SRR: variants seen among roughly 807,000 people sequenced by gnomAD.
SRR encodes the protein serine racemase.
SRR carries 19 observed loss-of-function variants against 32.7 expected under a neutral mutation model. The ratio of observed to expected loss-of-function variants is 0.58; its 90% CI spans 0.40 to 0.85. The LOEUF is 0.85. SRR is among the 40% of genes least tolerant of loss of function. SRR has a pLI of 0.00. For missense variants in SRR, 373 were observed against 404.7 expected (o/e 0.92, Z 0.67); for synonymous variants, 142 against 140.9 (o/e 1.01, Z -0.06).
chr17:2,318,369 C>G (rs2075495310), intron 3 of SRR, among the ~76,000 whole-genome samples: 1 of 151,808 alleles, frequency 6.6e-6, no homozygotes, highest in African/African-American at 2.4e-5. Flanking sequence ...AGGCTGGTCT[C>G]GAACTCCTGG....
At chr17:2,312,630 C>T (rs2075441446) in intron 1 of SRR, among the ~76,000 whole-genome samples, 1 of 152,074 alleles carries the variant, frequency 6.6e-6, no homozygotes, top group Non-Finnish European at 1.5e-5. Flanking sequence ...ACTAAATTGA[C>T]ATAAAAATGA....
At chr17:2,303,554 G>A, upstream of SRR, 1 of 1,346,708 alleles carries the variant, frequency 7.4e-7, no homozygotes, top group Non-Finnish European at 9.5e-7. Context: ...GCCGAGGGCC[G>A]AGCGGGGAGG....
chr17:2,322,357 T>C (rs929401280), intron 6 of SRR: 10 of 152,304 alleles, frequency 6.6e-5, no homozygotes, highest in African/African-American at 2.4e-4. Context: ...TTTTCTCAAA[T>C]TACCAGGACA....
rs2075549034 is a variant in SRR, at chr17:2,323,247, A to G, written c.706A>G (p.Ile236Val). Residue 236 changes from isoleucine to valine, a missense_variant, in exon 7 of 8, where the codon ATA becomes GTA. By Grantham distance (29) the Ile-to-Val change is conservative (BLOSUM62 3). Transcript: ENST00000344595. ...GCCCAATCTTTATCCTCCAGAAACC[A>G]TAGCAGATGGTGTCAAATCCAGCAT... Reference protein sequence around the residue: ...LMPNLYPPETIADGVKSSIGL... With the variant: ...LMPNLYPPETVADGVKSSIGL... 6.2e-7 allele frequency: 1 copy of G among 1,614,232 alleles called. No homozygotes were observed. The highest frequency in any genetic ancestry group is 8.5e-7 in the Non-Finnish European group (1 of 1,180,048).
intron 1 of SRR, among the ~76,000 whole-genome samples, chr17:2,306,419 A>G (rs1463276459): frequency 6.6e-6 from 1 of 150,564 alleles, no homozygotes; most frequent in African/African-American, 2.4e-5. Context: ...GAATTTTTTT[A>G]AAAACAACAA....
rs529702221 is a variant in SRR at position 2,307,754 on chromosome 17, C to A, written c.-5+3737C>A. On this transcript the variant is annotated intron_variant, in intron 1 of 7. Transcript: ENST00000344595. ...AAGCTTAGCATGAGAGGAGAGCCAG[C>A]GAAGTGACAGGGAAGCTACAGGTTA... The A allele has an allele frequency of 3.3e-3, 3,015 of 906,766 alleles. 19 individuals are homozygous for A. Among genetic ancestry groups the A allele is most frequent in the Non-Finnish European group, 4.1e-3 (2,261 of 557,960 alleles). 56.2% of individuals were successfully genotyped at this position (906,766 alleles called of 1,614,324 possible).
At chr17:2,314,508 G>C (rs1022325308) in intron 1 of SRR, among the ~76,000 whole-genome samples, 2 of 151,286 alleles carry the variant, frequency 1.3e-5, no homozygotes, top group African/African-American at 4.9e-5. Context: ...GCGTGAACCC[G>C]GGAGGCGGAG....
intron 6 of SRR, chr17:2,322,507 CT>C (rs1041200207): frequency 3.1e-4 from 45 of 146,476 alleles, no homozygotes; most frequent in Middle Eastern, 3.5e-3. Flanking sequence ...TGCCTATTTT[CT>C]TTTTTTTTTT....
In SRR at chr17:2,307,546, G is replaced by T. The variant is rs958753950; in HGVS notation, c.-5+3529G>T. 1.2e-5 allele frequency: 14 copies of T among 1,178,782 alleles called. No homozygotes were observed. The African/African-American group carries it at 2.1e-4, about 18-fold the overall frequency. 73.0% of individuals were successfully genotyped at this position (1,178,782 alleles called of 1,614,324 possible). A position where few individuals can be genotyped will look rare whatever the true frequency, so the allele number is the denominator to read the frequency against. ...GGAGGTGGAAGCTACAATGATTTTG[G>T]CAATTACAACAATTAGTCTTCAATT... On this transcript the variant is annotated intron_variant, in intron 1 of 7. Transcript: ENST00000344595.
intron 1 of SRR, among the ~76,000 whole-genome samples, chr17:2,306,168 T>G (rs1597256186): frequency 6.6e-6 from 1 of 151,306 alleles, no homozygotes; most frequent in East Asian, 2.0e-4. Flanking sequence ...ACAAAAAAAT[T>G]AGCTGGGTGT....
At chr17:2,321,737 G>A in intron 6 of SRR, 121 bp downstream of exon 6, 3 of 874,674 alleles carry the variant, frequency 3.4e-6, no homozygotes, top group South Asian at 1.5e-5. Context: ...TATTCCTTTG[G>A]GACTTGAGAT....
intron 1 of SRR, among the ~76,000 whole-genome samples, chr17:2,312,021 G>A (rs1383150699): frequency 6.6e-6 from 1 of 152,034 alleles, no homozygotes; most frequent in African/African-American, 2.4e-5. Context: ...ACCAGCCTGG[G>A]CAACACAGCA....
upstream of SRR, chr17:2,303,579 G>A (rs967097028): frequency 3.1e-5 from 43 of 1,375,328 alleles, no homozygotes; most frequent in Middle Eastern, 2.6e-4. Flanking sequence ...AGAGGAGGAG[G>A]AGAGGGAGGC....
At chr17:2,303,849 T>A, upstream of SRR, 2 of 589,128 alleles carry the variant, frequency 3.4e-6, no homozygotes, top group Admixed American at 4.9e-5. Context: ...GCCCTCCCTT[T>A]CCGAACGACG....
chr17:2,303,789 C>A (rs1368416121), upstream of SRR: 39 of 1,315,910 alleles, frequency 3.0e-5, 1 homozygote, highest in South Asian at 5.2e-4. Flanking sequence ...CCACCACAGA[C>A]GGGCGGCGCG....
intron 1 of SRR, among the ~76,000 whole-genome samples, chr17:2,308,327 T>C (rs960672085): frequency 6.6e-6 from 1 of 152,162 alleles, no homozygotes; most frequent in African/African-American, 2.4e-5. Context: ...GAAAAAGAGC[T>C]GTACTTTAAA....
At chr17:2,315,856 T>A in intron 2 of SRR, 128 bp downstream of exon 2, 1 of 960,510 alleles carries the variant, frequency 1.0e-6, no homozygotes. Flanking sequence ...GGAAAAAAGG[T>A]TACAGAAATT....
Position 2,324,329 on chromosome 17 carries a change from G to C in SRR, c.*456G>C. On this transcript the variant is annotated 3_prime_UTR_variant, in exon 8 of 8. Coordinates refer to ENST00000344595, the MANE Select transcript of SRR (RefSeq NM_021947.3). ...CAGGTTCATCAGTACTGTGTCTTGA[G>C]ATTTTAGCTTCCCATCAAAGCTGCA... is the stretch of plus-strand genomic sequence containing the variant. 1 of 1,565,480 alleles carries C rather than the reference G, an allele frequency of 6.4e-7. No individual in the cohort carries two copies. Among genetic ancestry groups the C allele is most frequent in the East Asian group, 2.2e-5 (1 of 44,622 alleles).
chr17:2,323,255 T>A lies in SRR; in HGVS notation c.714T>A (p.Asp238Glu), dbSNP rs1170083545. ...TTTATCCTCCAGAAACCATAGCAGATGGTGTCAAATCCAGCATTGGCTTGA... is the reference window on the plus strand; with the variant it reads ...TTTATCCTCCAGAAACCATAGCAGAAGGTGTCAAATCCAGCATTGGCTTGA... ...PNLYPPETIA[D>E]GVKSSIGLNT... The change falls in exon 7 of 8, where the codon GAT becomes GAA. Residue 238 changes from aspartate to glutamate, a missense_variant. By Grantham distance (45) the Asp-to-Glu change is conservative. Transcript: ENST00000344595. 1.9e-6 allele frequency: 3 copies of A among 1,614,250 alleles called. No homozygotes were observed. Among genetic ancestry groups the A allele is most frequent in the Middle Eastern group, 3.3e-4 (2 of 6,062 alleles).
Sources: allele counts gnomAD v4.1 joint callset (sites outside exome capture counted in the v4.1 genomes callset), GRCh38; gene constraint gnomAD v4.1.1; transcripts MANE v1.5; gene names NCBI Gene and HGNC (gene_info 2026-07-23, HGNC 2026-07-21).